The following NBAS variants were observed in gnomAD, a reference collection of about 807,000 sequenced individuals.
NBAS encodes NAG/BC035112 fusion.
A neutral mutation model predicts 302.5 loss-of-function variants in NBAS; 219 were observed. The ratio of observed to expected loss-of-function variants is 0.72; its 90% CI spans 0.65 to 0.81. The LOEUF (loss-of-function observed/expected upper bound fraction) is 0.81, where lower values mean the gene tolerates loss of function less well. Among genes scored for constraint, NBAS ranks in the 30% least tolerant of loss-of-function variants. The pLI, the probability that NBAS is intolerant of heterozygous loss-of-function variation, is 0.00. For missense variants in NBAS, 2,932 were observed against 2,841.6 expected (o/e 1.03, Z -0.72); for synonymous variants, 1,118 against 1,021.6 (o/e 1.09, Z -1.80).
chr2:15,491,920 ACT>A (rs747773242), intron 11 of NBAS, among the ~76,000 whole-genome samples: 4 of 152,156 alleles, frequency 2.6e-5, no homozygotes, highest in Non-Finnish European at 5.9e-5. Context: ...GAGAAAAGGT[ACT>A]GTTTCTCCTC....
chr2:15,418,527 A>T (rs573066677), intron 23 of NBAS, among the ~76,000 whole-genome samples: 1 of 152,344 alleles, frequency 6.6e-6, no homozygotes, highest in Admixed American at 6.5e-5. Context: ...TCCTTCAAAG[A>T]TCTCTCAGCC....
chr2:14,947,028 A>T, the NBAS span, among the ~76,000 whole-genome samples: 4 of 152,162 alleles, frequency 2.6e-5, no homozygotes, highest in African/African-American at 9.6e-5. Context: ...AAGTTCTAAT[A>T]GGAAGTTTAT....
intron 31 of NBAS, among the ~76,000 whole-genome samples, chr2:15,373,000 A>G (rs1674562763): frequency 6.6e-6 from 1 of 152,166 alleles, no homozygotes. Context: ...CCGTAACAGC[A>G]TGGCCTAACA....
At chr2:14,794,040 A>G in the NBAS span, among the ~76,000 whole-genome samples, 10 of 152,330 alleles carry the variant, frequency 6.6e-5, no homozygotes, top group African/African-American at 2.2e-4. Context: ...TGTCACTCTT[A>G]AAGACTGCCT....
chr2:15,075,622 T>G, the NBAS span, among the ~76,000 whole-genome samples: 1 of 152,232 alleles, frequency 6.6e-6, no homozygotes, highest in Non-Finnish European at 1.5e-5. Context: ...CTCAATCTTT[T>G]GTGAGTCCCC....
rs377431980 is a variant in NBAS, at chr2:15,234,592, G to A, written c.6099C>T (p.Pro2033=). The A allele has an allele frequency of 6.2e-7, 1 of 1,614,090 alleles. No individual in the cohort carries two copies. The highest frequency in any genetic ancestry group is 8.5e-7 in the Non-Finnish European group (1 of 1,180,008). ...EVAVGPLDIS[P]KDIVQSAIMK... ...TGATTGCACTCTGCACTATATCCTT[G>A]GGTGAGATGTCAAGAGGGCCAACTG... The change falls in exon 46 of 52, where the codon CCC becomes CCT. Residue 2033 remains proline, a synonymous_variant. Coordinates refer to ENST00000281513, the MANE Select transcript of NBAS (RefSeq NM_015909.4).
At chr2:15,137,776 A>AGTTGTT in the NBAS span, among the ~76,000 whole-genome samples, 1 of 152,042 alleles carries the variant, frequency 6.6e-6, no homozygotes, top group Non-Finnish European at 1.5e-5. Context: ...GGGGGGTTGG[A>AGTTGTT]GTTTTTGTTT....
intron 21 of NBAS, among the ~76,000 whole-genome samples, chr2:15,459,085 G>T (rs1439927270): frequency 1.3e-5 from 2 of 152,170 alleles, no homozygotes; most frequent in African/African-American, 4.8e-5. Context: ...GTGTGGCATT[G>T]GGTACTGTGC....
At chr2:15,541,075 AT>A (rs996541726) in intron 6 of NBAS, among the ~76,000 whole-genome samples, 7 of 152,170 alleles carry the variant, frequency 4.6e-5, no homozygotes, top group African/African-American at 1.7e-4. Flanking sequence ...TTCATCTCCA[AT>A]CTTACTCATC....
chr2:14,886,038 G>T, the NBAS span, among the ~76,000 whole-genome samples: 1 of 152,182 alleles, frequency 6.6e-6, no homozygotes, highest in Non-Finnish European at 1.5e-5. Flanking sequence ...GCTGGAGAGG[G>T]TGGCAGATCA....
the NBAS span, among the ~76,000 whole-genome samples, chr2:15,113,484 G>A: frequency 1.3e-5 from 2 of 151,986 alleles, no homozygotes; most frequent in South Asian, 4.2e-4. Flanking sequence ...ATAAGAAAAT[G>A]TTCACAATGA....
chr2:15,553,512 T>C (rs939678946), intron 4 of NBAS, 39 bp from the exon 5 acceptor site: 3 of 1,537,106 alleles, frequency 2.0e-6, no homozygotes, highest in Non-Finnish European at 1.8e-6. Context: ...AAATCTATTA[T>C]GAATATCTAT....
intron 33 of NBAS, among the ~76,000 whole-genome samples, chr2:15,355,078 C>T (rs549189747): frequency 6.6e-6 from 1 of 152,294 alleles, no homozygotes; most frequent in East Asian, 1.9e-4. Flanking sequence ...TCACAATAGT[C>T]CTTGTTGTTA....
the NBAS span, among the ~76,000 whole-genome samples, chr2:15,097,851 T>C: frequency 7.0e-6 from 1 of 142,570 alleles, no homozygotes; most frequent in African/African-American, 2.6e-5. Flanking sequence ...TCAGATAATA[T>C]ATGTAAAGCA....
the NBAS span, among the ~76,000 whole-genome samples, chr2:14,969,945 C>T: frequency 2.3e-3 from 354 of 152,262 alleles, no homozygotes; most frequent in African/African-American, 8.2e-3. Flanking sequence ...CATGGACTCT[C>T]ATCAGGAGAA....
At chr2:15,178,890 A>G (rs1020591996) in intron 51 of NBAS, 98 bp downstream of exon 51, 2 of 1,546,858 alleles carry the variant, frequency 1.3e-6, no homozygotes, top group African/African-American at 1.4e-5. Context: ...GTAGTCTTCA[A>G]TTAACCACGG....
At chr2:15,041,093 G>C in the NBAS span, among the ~76,000 whole-genome samples, 1 of 152,168 alleles carries the variant, frequency 6.6e-6, no homozygotes, top group East Asian at 1.9e-4. Context: ...CTTTGCACAA[G>C]GTTACTCTCT....
chr2:15,105,209 G>C, the NBAS span, among the ~76,000 whole-genome samples: 51 of 152,172 alleles, frequency 3.4e-4, no homozygotes, highest in South Asian at 1.9e-3. Flanking sequence ...GTTGAACAAT[G>C]AGAACACATG....
chr2:15,422,254 CTAAG>C (rs2148473831), intron 23 of NBAS, among the ~76,000 whole-genome samples: 1 of 152,302 alleles, frequency 6.6e-6, no homozygotes, highest in East Asian at 1.9e-4. Context: ...GCTTCTTTCA[CTAAG>C]TAATAGGCAT....
Sources: allele counts gnomAD v4.1 joint callset (sites outside exome capture counted in the v4.1 genomes callset), GRCh38; gene constraint gnomAD v4.1.1; transcripts MANE v1.5; gene names NCBI Gene and HGNC (gene_info 2026-07-23, HGNC 2026-07-21).